The following ZDHHC13 variants were observed in gnomAD, a reference collection of about 807,000 sequenced individuals.
ZDHHC13 encodes the protein palmitoyltransferase ZDHHC13.
In ZDHHC13, 85 loss-of-function variants were observed where a neutral mutation model predicts 86.0. The ratio of observed to expected loss-of-function variants is 0.99; its 90% CI spans 0.83 to 1.18. The LOEUF (loss-of-function observed/expected upper bound fraction) is 1.18. ZDHHC13 is among the 50% of genes most tolerant of loss of function. The pLI, the probability that ZDHHC13 is intolerant of heterozygous loss-of-function variation, is 0.00. For synonymous variants in ZDHHC13, 263 were observed against 246.4 expected, an observed-to-expected ratio of 1.07 and a Z score of -0.63; for missense variants, 711 against 730.2, an observed-to-expected ratio of 0.97 and a Z score of 0.30.
intron 14 of ZDHHC13, 35 bp downstream of exon 14, chr11:19,166,420 A>G: frequency 6.6e-7 from 1 of 1,509,098 alleles, no homozygotes; most frequent in Non-Finnish European, 9.1e-7. Context: ...AAGCACATAC[A>G]TCTACACCCA....
rs76396677 is a variant in ZDHHC13 at position 19,144,652 on chromosome 11, C to T, written c.173+1529C>T. Reference sequence around the variant, plus strand: ...AGACACACACACGCACACACACACGCGTGTATTTTGGTAAGGCAGAAATTA... The same window carrying T: ...AGACACACACACGCACACACACACGTGTGTATTTTGGTAAGGCAGAAATTA... On this transcript the variant is annotated intron_variant, in intron 2 of 16. Transcript: ENST00000446113. Among the ~76,000 whole-genome samples the T allele has an allele frequency of 6.1e-3, 921 of 152,028 alleles. 30 individuals are homozygous for T. The East Asian group carries it at 0.087, about 14-fold the overall frequency.
At chr11:19,175,204 C>T (rs539621453) in intron 16 of ZDHHC13, among the ~76,000 whole-genome samples, 17 of 151,224 alleles carry the variant, frequency 1.1e-4, no homozygotes, top group South Asian at 4.2e-4. Flanking sequence ...CTGGCTAACA[C>T]GGTGAAACCC....
intron 1 of ZDHHC13, among the ~76,000 whole-genome samples, chr11:19,120,784 A>G (rs1848745587): frequency 6.6e-6 from 1 of 152,134 alleles, no homozygotes; most frequent in Non-Finnish European, 1.5e-5. Context: ...TCTTAATTAA[A>G]ACAAAAACAA....
intron 3 of ZDHHC13, 29 bp from the exon 4 acceptor site, chr11:19,147,567 T>G (rs758978534): frequency 3.2e-6 from 5 of 1,552,384 alleles, no homozygotes; most frequent in Non-Finnish European, 3.5e-6. Context: ...GTTTCAAATC[T>G]TACTTTCATT....
At chr11:19,147,035 G>A (rs907426383) in intron 3 of ZDHHC13, among the ~76,000 whole-genome samples, 2 of 152,086 alleles carry the variant, frequency 1.3e-5, no homozygotes, top group African/African-American at 4.8e-5. Context: ...AACCATAGAA[G>A]AAAATCAGTC....
intron 1 of ZDHHC13, among the ~76,000 whole-genome samples, chr11:19,133,942 T>TATGTATATATATATATATATACAC: frequency 1.0e-5 from 1 of 96,082 alleles, no homozygotes; most frequent in Non-Finnish European, 2.3e-5. Context: ...TATATATATA[T>TATGTATATATATATATATATACAC]ACACGTATGT....
chr11:19,132,934 G>C (rs1849034434), intron 1 of ZDHHC13, among the ~76,000 whole-genome samples: 1 of 152,054 alleles, frequency 6.6e-6, no homozygotes, highest in Non-Finnish European at 1.5e-5. Flanking sequence ...GAAGTAGAAG[G>C]CTCTACTTCA....
intron 2 of ZDHHC13, among the ~76,000 whole-genome samples, chr11:19,144,835 G>T (rs1315278116): frequency 6.6e-6 from 1 of 152,184 alleles, no homozygotes; most frequent in African/African-American, 2.4e-5. Context: ...TTGCTAATAG[G>T]CCGGGTGTGG....
At chr11:19,150,624 A>C in intron 5 of ZDHHC13, 103 bp from the exon 6 acceptor site, 6 of 972,352 alleles carry the variant, frequency 6.2e-6, no homozygotes, top group Non-Finnish European at 9.2e-6. Context: ...TTTATGTAGA[A>C]ATAATGGTAG....
intron 14 of ZDHHC13, chr11:19,170,135 C>A: frequency 8.0e-7 from 1 of 1,245,064 alleles, no homozygotes; most frequent in Non-Finnish European, 1.0e-6. Context: ...ATGCTGAATG[C>A]TGATTTTAGT....
intron 1 of ZDHHC13, among the ~76,000 whole-genome samples, chr11:19,122,007 T>C (rs767295904): frequency 2.0e-5 from 3 of 152,168 alleles, no homozygotes; most frequent in Non-Finnish European, 2.9e-5. Flanking sequence ...CCCTATCTTT[T>C]GAGACTCAAG....
chr11:19,146,576 A>T (rs914589098), intron 3 of ZDHHC13, among the ~76,000 whole-genome samples: 1 of 152,218 alleles, frequency 6.6e-6, no homozygotes, highest in Non-Finnish European at 1.5e-5. Flanking sequence ...AAAAAGGAAA[A>T]GTATAATAAA....
intron 1 of ZDHHC13, among the ~76,000 whole-genome samples, chr11:19,129,269 T>C (rs145723643): frequency 6.6e-6 from 1 of 152,256 alleles, no homozygotes; most frequent in Non-Finnish European, 1.5e-5. Flanking sequence ...TATTATGCTG[T>C]CTGGTACTTT....
intron 15 of ZDHHC13, among the ~76,000 whole-genome samples, chr11:19,171,648 C>G (rs569783568): frequency 6.6e-6 from 1 of 152,066 alleles, no homozygotes; most frequent in South Asian, 2.1e-4. Flanking sequence ...TTTATAATAC[C>G]TAGTATTTAT....
intron 9 of ZDHHC13, 97 bp downstream of exon 9, chr11:19,156,026 C>A: frequency 1.4e-6 from 2 of 1,392,768 alleles, no homozygotes; most frequent in Non-Finnish European, 9.5e-7. Context: ...TTTTATCATG[C>A]TGTAAATATT....
chr11:19,140,589 T>A (rs1849285331), intron 1 of ZDHHC13, among the ~76,000 whole-genome samples: 1 of 152,132 alleles, frequency 6.6e-6, no homozygotes, highest in Non-Finnish European at 1.5e-5. Flanking sequence ...GGACTATAAA[T>A]CATGCTGCTA....
chr11:19,159,238 C>G (rs910322275), intron 10 of ZDHHC13, among the ~76,000 whole-genome samples, 198 bp downstream of exon 10: 1 of 151,986 alleles, frequency 6.6e-6, no homozygotes, highest in African/African-American at 2.4e-5. Context: ...ATTATGGAAA[C>G]AGTAAGTATC....
chr11:19,133,455 A>G (rs1023773765), intron 1 of ZDHHC13, among the ~76,000 whole-genome samples: 13 of 152,046 alleles, frequency 8.6e-5, no homozygotes, highest in African/African-American at 3.1e-4. Context: ...TCATAGCAAT[A>G]TGTTTTTTTA....
chr11:19,137,633 C>G (rs1590067841), intron 1 of ZDHHC13, among the ~76,000 whole-genome samples: 1 of 152,134 alleles, frequency 6.6e-6, no homozygotes, highest in Non-Finnish European at 1.5e-5. Flanking sequence ...AGCACCACAC[C>G]ACACCTATTC....
Sources: allele counts gnomAD v4.1 joint callset (sites outside exome capture counted in the v4.1 genomes callset), GRCh38; gene constraint gnomAD v4.1.1; transcripts MANE v1.5; gene names NCBI Gene and HGNC (gene_info 2026-07-23, HGNC 2026-07-21).